The following AFF4 variants were observed in gnomAD, a reference collection of about 807,000 sequenced individuals.
AFF4 encodes AF4/FMR2 family member 4.
Under a neutral mutation model 124.8 loss-of-function variants are expected in AFF4, and 13 were observed. The ratio of observed to expected loss-of-function variants is 0.10; its 90% CI spans 0.07 to 0.17. The LOEUF (loss-of-function observed/expected upper bound fraction) is 0.17, where lower values mean the gene tolerates loss of function less well. AFF4 is among the 10% of genes least tolerant of loss of function. The pLI is 1.00. For synonymous variants in AFF4, 477 were observed against 496.1 expected (o/e 0.96, Z 0.51); for missense variants, 1,092 against 1,403.8 (o/e 0.78, Z 3.55).
rs777082452 is a variant in AFF4, at chr5:132,892,297, A to G, written c.2504T>C (p.Ile835Thr). ...KTEHGSRKRTISQSSSLKSSS... is the reference protein window; with the variant it reads ...KTEHGSRKRTTSQSSSLKSSS... Reference sequence around the variant, plus strand: ...TGACTTTAAGGAAGAAGACTGACTAATAGTCCTCTTCCGAGAGCCATGCTC... The same window carrying G: ...TGACTTTAAGGAAGAAGACTGACTAGTAGTCCTCTTCCGAGAGCCATGCTC... Residue 835 changes from isoleucine to threonine, a missense_variant, in exon 13 of 21, where the codon ATT becomes ACT. Around this residue, in one of 11 missense-constraint regions of AFF4, gnomAD observed 293 missense variants for 280.2 expected, o/e 1.05. Coordinates refer to ENST00000265343, the MANE Select transcript of AFF4 (RefSeq NM_014423.4). 6 of 1,614,150 alleles carry G rather than the reference A, an allele frequency of 3.7e-6. No individual in the cohort carries two copies. Among genetic ancestry groups the G allele is most frequent in the Non-Finnish European group, 5.1e-6 (6 of 1,180,026 alleles).
chr5:132,887,229 A>G (rs1760140304), intron 17 of AFF4, among the ~76,000 whole-genome samples: 1 of 152,224 alleles, frequency 6.6e-6, no homozygotes, highest in South Asian at 2.1e-4. Flanking sequence ...GAATGGAGAG[A>G]GCGGGTACCA....
chr5:132,905,310 A>G (rs565621577), intron 5 of AFF4, among the ~76,000 whole-genome samples: 13 of 152,226 alleles, frequency 8.5e-5, no homozygotes, highest in Admixed American at 3.9e-4. Context: ...TGACCAGAAC[A>G]GCTGTTCCAT....
At chr5:132,959,882 A>G (rs1448769351) in intron 1 of AFF4, among the ~76,000 whole-genome samples, 2 of 145,688 alleles carry the variant, frequency 1.4e-5, no homozygotes, top group Non-Finnish European at 3.0e-5. Flanking sequence ...CTGCTGCCTC[A>G]GCCTCCCAAG....
chr5:132,935,123 A>C (rs1486855569), intron 2 of AFF4, among the ~76,000 whole-genome samples, 182 bp from the exon 3 acceptor site: 1 of 152,158 alleles, frequency 6.6e-6, no homozygotes, highest in African/African-American at 2.4e-5. Flanking sequence ...AGTGAAAAAA[A>C]AAATCATTGA....
At chr5:132,922,469 C>T (rs1761069874) in intron 5 of AFF4, among the ~76,000 whole-genome samples, 1 of 152,048 alleles carries the variant, frequency 6.6e-6, no homozygotes, top group Admixed American at 6.6e-5. Context: ...CAAATATTCA[C>T]ATCAGCTTTA....
At chr5:132,925,125 A>G (rs1761138927) in intron 5 of AFF4, among the ~76,000 whole-genome samples, 1 of 152,128 alleles carries the variant, frequency 6.6e-6, no homozygotes, top group Non-Finnish European at 1.5e-5. Flanking sequence ...CAGTGAGCCA[A>G]GATCACACCA....
chr5:132,895,388 T>C (rs1427449439), intron 11 of AFF4, among the ~76,000 whole-genome samples: 1 of 152,204 alleles, frequency 6.6e-6, no homozygotes, highest in African/African-American at 2.4e-5. Flanking sequence ...GAGGAAAATA[T>C]CTCACTCCAT....
At chr5:132,925,935 A>T (rs942575502) in intron 5 of AFF4, among the ~76,000 whole-genome samples, 1 of 152,250 alleles carries the variant, frequency 6.6e-6, no homozygotes, top group Non-Finnish European at 1.5e-5. Context: ...GAAGGCACCA[A>T]CAAAGATACC....
chr5:132,905,802 ACTT>A (rs1760659441), intron 5 of AFF4, among the ~76,000 whole-genome samples: 1 of 152,244 alleles, frequency 6.6e-6, no homozygotes, highest in South Asian at 2.1e-4. Context: ...AAAATTAAGA[ACTT>A]CTGTGCTTCA....
chr5:132,908,367 C>G (rs1408455948), intron 5 of AFF4, among the ~76,000 whole-genome samples: 3 of 152,088 alleles, frequency 2.0e-5, no homozygotes, highest in Non-Finnish European at 1.5e-5. Context: ...TTTTTGATAT[C>G]TGGTTTCACT....
At chr5:132,955,567 A>G (rs1761934583) in intron 1 of AFF4, among the ~76,000 whole-genome samples, 2 of 152,078 alleles carry the variant, frequency 1.3e-5, no homozygotes, top group African/African-American at 4.8e-5. Context: ...TCACGAGGTC[A>G]GGAGTTCAAG....
At position 132,895,630 on chromosome 5, in the gene AFF4, G is replaced by C. The variant is rs142867075; in HGVS notation, c.2307+693C>G. ...ACATTCTCCTGTAAATTCCTCACTA[G>C]AGCTGAAAAGATCAGGCTGTTTTTC... On this transcript the variant is annotated intron_variant, in intron 11 of 20. Coordinates refer to ENST00000265343, the MANE Select transcript of AFF4 (RefSeq NM_014423.4). Among the ~76,000 whole-genome samples the C allele has an allele frequency of 3.0e-3, 455 of 152,284 alleles. 1 individual carries two copies. Among genetic ancestry groups the C allele is most frequent in the Admixed American group, 6.1e-3 (93 of 15,284 alleles).
chr5:132,880,955 T>C lies in AFF4; in HGVS notation c.*104A>G. On this transcript the variant is annotated 3_prime_UTR_variant, in exon 21 of 21. Transcript: ENST00000265343. ...ACATGAACCAACGAGGAGAAAACTA[T>C]TCCTCATTCTTAGTGTCGACTAGGT... is the stretch of plus-strand genomic sequence containing the variant. The C allele has an allele frequency of 1.4e-6, 2 of 1,403,350 alleles. No individual in the cohort carries two copies. The highest frequency in any genetic ancestry group is 1.9e-6 in the Non-Finnish European group (2 of 1,042,646). The allele number at this position is 1,403,350 out of a possible 1,614,324, so 86.9% of individuals were successfully genotyped here. A position where few individuals can be genotyped will look rare whatever the true frequency, so the allele number is the denominator to read the frequency against.
chr5:132,962,476 G>A (rs1762100159), intron 1 of AFF4, among the ~76,000 whole-genome samples: 1 of 152,032 alleles, frequency 6.6e-6, no homozygotes, highest in Non-Finnish European at 1.5e-5. Flanking sequence ...TTTCAGATTC[G>A]TACTTCCACT....
Position 132,911,197 on chromosome 5 carries a change from G to A in AFF4, c.1051-6793C>T, listed in dbSNP as rs191311121. ...TCTTCATCTTATAAAAACACTCCCC[G>A]ACATCACCATACAGTTCTTGGTATC... On this transcript the variant is annotated intron_variant, in intron 5 of 20. Coordinates refer to ENST00000265343, the MANE Select transcript of AFF4 (RefSeq NM_014423.4). Among the ~76,000 whole-genome samples the A allele has an allele frequency of 2.1e-4, 32 of 151,998 alleles. No homozygotes were observed. The East Asian group carries it at 5.0e-3, about 24-fold the overall frequency.
chr5:132,910,296 T>C (rs1270451880), intron 5 of AFF4, among the ~76,000 whole-genome samples: 1 of 152,202 alleles, frequency 6.6e-6, no homozygotes, highest in Non-Finnish European at 1.5e-5. Context: ...CTCCCCAATA[T>C]GATCCTAAAC....
intron 18 of AFF4, 106 bp downstream of exon 18, chr5:132,886,204 C>A: frequency 1.1e-6 from 1 of 910,856 alleles, no homozygotes; most frequent in Non-Finnish European, 1.7e-6. Flanking sequence ...ACAGTAGCTC[C>A]TCCCCTGGTG....
intron 2 of AFF4, among the ~76,000 whole-genome samples, chr5:132,935,758 G>GA (rs765780057): frequency 3.5e-3 from 368 of 105,910 alleles, no homozygotes; most frequent in Middle Eastern, 5.3e-3. Context: ...CTCCATCTCC[G>GA]AAAAAAAAAA....
chr5:132,925,275 A>G (rs1761144851), intron 5 of AFF4, among the ~76,000 whole-genome samples: 1 of 152,046 alleles, frequency 6.6e-6, no homozygotes, highest in East Asian at 1.9e-4. Context: ...ACACATATAG[A>G]CAGAAAATTT....
Sources: allele counts gnomAD v4.1 joint callset (sites outside exome capture counted in the v4.1 genomes callset), GRCh38; gene constraint gnomAD v4.1.1; regional missense constraint gnomAD v4.1.1; transcripts MANE v1.5; gene names NCBI Gene and HGNC (gene_info 2026-07-23, HGNC 2026-07-21).